Variants in SH3TC1 observed in about 807,000 individuals in gnomAD.
SH3TC1 encodes SH3 domain and tetratricopeptide repeats 1.
SH3TC1 carries 135 observed loss-of-function variants against 117.3 expected under a neutral mutation model. The ratio of observed to expected loss-of-function variants is 1.15; its 90% CI spans 1.00 to 1.33. The LOEUF is 1.33. Among genes scored for constraint, SH3TC1 ranks in the 40% most tolerant of loss-of-function variants. The pLI, the probability that SH3TC1 is intolerant of heterozygous loss-of-function variation, is 0.00. For synonymous variants in SH3TC1, 898 were observed against 816.9 expected, an observed-to-expected ratio of 1.10 and a Z score of -1.69; for missense variants, 2,092 against 1,794.3, an observed-to-expected ratio of 1.17 and a Z score of -3.00.
Position 8,225,991 on chromosome 4 carries a change from G to A in SH3TC1, c.1285+775G>A, listed in dbSNP as rs548567962. Among the ~76,000 whole-genome samples the A allele has an allele frequency of 2.0e-5, 3 of 152,266 alleles. No individual in the cohort carries two copies. Among genetic ancestry groups the A allele is most frequent in the Admixed American group, 2.0e-4 (3 of 15,304 alleles). On this transcript the variant is annotated intron_variant, in intron 11 of 17. Transcript: ENST00000245105. The surrounding 1 kb of genome is among the most constrained non-coding windows in gnomAD (Gnocchi z 5.5). ...GGGAGGGGCTGTTTGCCTCTGCCGGGCAGGGAGATTTCTTAGCTAATCTAG... is the reference window on the plus strand; with the variant it reads ...GGGAGGGGCTGTTTGCCTCTGCCGGACAGGGAGATTTCTTAGCTAATCTAG...
At chr4:8,215,729 C>G (rs1157865670) in intron 5 of SH3TC1, among the ~76,000 whole-genome samples, 3 of 152,208 alleles carry the variant, frequency 2.0e-5, no homozygotes, top group Non-Finnish European at 4.4e-5. Context: ...GATACCAGCT[C>G]ATGATGCGGG....
In SH3TC1 at chr4:8,183,696, C is replaced by T. The variant is rs1353883366; in HGVS notation, c.-57+1486C>T. Among the ~76,000 whole-genome samples the T allele has an allele frequency of 6.6e-6, 1 of 152,190 alleles. No homozygotes were observed. Among genetic ancestry groups the T allele is most frequent in the Non-Finnish European group, 1.5e-5 (1 of 68,046 alleles). The stretch of plus-strand genomic sequence containing the variant: ...GTTCTCGTAAAACCCCACCCAGCGG[C>T]CTCTATGATTAGCATCTCACCTTGG... On this transcript the variant is annotated intron_variant, in intron 1 of 16. Transcript: ENST00000508641. The surrounding 1 kb of genome is among the most constrained non-coding windows in gnomAD (Gnocchi z 5.4).
intron 1 of SH3TC1, among the ~76,000 whole-genome samples, chr4:8,185,324 G>A (rs748123234): frequency 1.2e-4 from 18 of 151,798 alleles, no homozygotes; most frequent in Non-Finnish European, 2.4e-4. Context: ...CAACAAGAGC[G>A]AAACTCCGTC....
At chr4:8,193,595 T>A (rs1482816669) in intron 1 of SH3TC1, among the ~76,000 whole-genome samples, 2 of 152,212 alleles carry the variant, frequency 1.3e-5, no homozygotes, top group East Asian at 3.9e-4. Flanking sequence ...GCACCAATCA[T>A]GCTTTGCCAT....
chr4:8,236,571 C>A, intron 16 of SH3TC1, 143 bp downstream of exon 16: 1 of 1,167,758 alleles, frequency 8.6e-7, no homozygotes, highest in South Asian at 1.8e-5. Context: ...CTGGCTCCCC[C>A]GTCCGGCCGT....
In SH3TC1 at chr4:8,200,570, C is replaced by T. The variant is rs542456579; in HGVS notation, c.-29+1165C>T. On this transcript the variant is annotated intron_variant, in intron 1 of 17. Coordinates refer to ENST00000245105, the MANE Select transcript of SH3TC1 (RefSeq NM_018986.5). ...TGGGCCAGCGTTTTTTGCATGGAGA[C>T]GTCACTCACTCTTCCAGCAACACGG... Among the ~76,000 whole-genome samples, 31 of 152,282 alleles carry T rather than the reference C, an allele frequency of 2.0e-4. No homozygotes were observed. The East Asian group carries it at 3.7e-3, about 18-fold the overall frequency.
At chr4:8,212,593 C>A (rs561358194) in intron 3 of SH3TC1, 108 bp from the exon 4 acceptor site, 31 of 1,486,524 alleles carry the variant, frequency 2.1e-5, no homozygotes, top group Admixed American at 1.9e-4. Flanking sequence ...ACTGCCCAGG[C>A]CTTCGGGGTC....
In SH3TC1 at chr4:8,235,483, G is replaced by A. The variant is rs1721721298; in HGVS notation, c.3333G>A (p.Glu1111=). 1.2e-6 allele frequency: 2 copies of A among 1,604,796 alleles called. No homozygotes were observed. Among genetic ancestry groups the A allele is most frequent in the East Asian group, 2.2e-5 (1 of 44,528 alleles). The part of the protein sequence containing the change: ...LYTGDPNLGL[E]LFEAAGDIFF... Reference sequence around the variant, plus strand: ...CAGGCGACCCCAACCTGGGGCTGGAGCTGTTTGAGGCGGCTGGAGACATCT... The same window carrying A: ...CAGGCGACCCCAACCTGGGGCTGGAACTGTTTGAGGCGGCTGGAGACATCT... The change falls in exon 15 of 18, where the codon GAG becomes GAA. Residue 1111 remains glutamate, a synonymous_variant. Transcript: ENST00000245105.
At chr4:8,195,487 G>A (rs1220984555), upstream of SH3TC1, among the ~76,000 whole-genome samples, 1 of 152,198 alleles carries the variant, frequency 6.6e-6, no homozygotes, top group Non-Finnish European at 1.5e-5. Flanking sequence ...TGTGCTGTGT[G>A]GAGTCGGGGT....
At position 8,205,425 on chromosome 4, in the gene SH3TC1, C is replaced by A; in HGVS notation, c.172+59C>A. 6.5e-7 allele frequency: 1 copy of A among 1,532,096 alleles called. No individual in the cohort carries two copies. The highest frequency in any genetic ancestry group is 1.4e-5 in the African/African-American group (1 of 73,116). The allele number at this position is 1,532,096 out of a possible 1,614,324, so 94.9% of individuals were successfully genotyped here. A position where few individuals can be genotyped will look rare whatever the true frequency, so the allele number is the denominator to read the frequency against. On this transcript the variant is annotated intron_variant, in intron 2 of 17. Coordinates refer to ENST00000245105, the MANE Select transcript of SH3TC1 (RefSeq NM_018986.5). The surrounding 1 kb of genome is among the most constrained non-coding windows in gnomAD (Gnocchi z 5.4). ...ATCCCACCCACTTCTCCACCCCACC[C>A]GCCCCGTCCATCCATCCCTCACCAC...
chr4:8,240,571 C>A, intron 17 of SH3TC1, 127 bp from the exon 18 acceptor site: 1 of 1,469,032 alleles, frequency 6.8e-7, no homozygotes, highest in Non-Finnish European at 9.3e-7. Context: ...AGCAGTGTCA[C>A]AGGCTTCGGG....
intron 4 of SH3TC1, 42 bp downstream of exon 4, chr4:8,212,870 G>A (rs1468760402): frequency 1.3e-6 from 2 of 1,506,958 alleles, no homozygotes; most frequent in African/African-American, 2.8e-5. Flanking sequence ...GGGAGCTGGA[G>A]TCAGGGGGAG....
At chr4:8,240,568 T>A in intron 17 of SH3TC1, 130 bp from the exon 18 acceptor site, 1 of 1,448,288 alleles carries the variant, frequency 6.9e-7, no homozygotes, top group Admixed American at 1.9e-5. Flanking sequence ...CACAGCAGTG[T>A]CACAGGCTTC....
In SH3TC1 at chr4:8,190,816, T is replaced by C. The variant is rs1717395292; in HGVS notation, c.-57+8606T>C. On this transcript the variant is annotated intron_variant, in intron 1 of 16. Coordinates refer to the SH3TC1 transcript ENST00000508641. The surrounding 1 kb of genome is among the most constrained non-coding windows in gnomAD (Gnocchi z 4.7). Reference sequence around the variant, plus strand: ...CCACCATGCCCAGCTAATTTTTTTGTATTTTTTGTAGAGACGGGTTTCACC... The same window carrying C: ...CCACCATGCCCAGCTAATTTTTTTGCATTTTTTGTAGAGACGGGTTTCACC... Among the ~76,000 whole-genome samples, 1 of 152,124 alleles carries C rather than the reference T, an allele frequency of 6.6e-6. No homozygotes were observed. Among genetic ancestry groups the C allele is most frequent in the Non-Finnish European group, 1.5e-5 (1 of 68,024 alleles).
At chr4:8,185,653 A>G (rs1181801392) in intron 1 of SH3TC1, among the ~76,000 whole-genome samples, 1 of 152,204 alleles carries the variant, frequency 6.6e-6, no homozygotes, top group Non-Finnish European at 1.5e-5. Flanking sequence ...GCACTCAGAG[A>G]AAGCCTTGCT....
chr4:8,194,611 T>C (rs559053635), upstream of SH3TC1, among the ~76,000 whole-genome samples: 248 of 152,246 alleles, frequency 1.6e-3, 1 homozygote, highest in African/African-American at 5.7e-3. Flanking sequence ...AACAATCTGG[T>C]GTAAAAGGCA....
intron 1 of SH3TC1, among the ~76,000 whole-genome samples, chr4:8,184,617 G>A (rs1222030696): frequency 2.6e-5 from 4 of 152,132 alleles, no homozygotes; most frequent in Non-Finnish European, 1.5e-5. Context: ...GGGCTCACGT[G>A]ATCCTCCCGC....
At chr4:8,196,780 G>T (rs1247907456), upstream of SH3TC1, among the ~76,000 whole-genome samples, 3 of 152,128 alleles carry the variant, frequency 2.0e-5, no homozygotes, top group Non-Finnish European at 4.4e-5. The surrounding 1 kb of genome is among the most constrained non-coding windows in gnomAD (Gnocchi z 4.6). Context: ...GGTGCTGAGG[G>T]CTGGAGTCCA....
Position 8,219,453 on chromosome 4 carries a change from C to CGTG in SH3TC1, c.1037_1039dup (p.Val346dup), listed in dbSNP as rs1561697371. On this transcript the variant is annotated inframe_insertion, in exon 9 of 18. Coordinates refer to ENST00000245105, the MANE Select transcript of SH3TC1 (RefSeq NM_018986.5). ...CGCAGGTGCCCAGCCTGCCCTGGTG[C>CGTG]GTGGGCCGACACGCAGCCTCGGGCC... 1.9e-6 allele frequency: 3 copies of CGTG among 1,607,820 alleles called. No individual in the cohort carries two copies. The highest frequency in any genetic ancestry group is 2.7e-5 in the African/African-American group (2 of 74,696).
Sources: allele counts gnomAD v4.1 joint callset (sites outside exome capture counted in the v4.1 genomes callset), GRCh38; gene constraint gnomAD v4.1.1; non-coding constraint Gnocchi (gnomAD v3.1); transcripts MANE v1.5; gene names NCBI Gene and HGNC (gene_info 2026-07-23, HGNC 2026-07-21).